Variants in DMD observed in about 807,000 individuals in gnomAD.
The protein encoded by DMD is mutant dystrophin.
DMD carries 63 observed loss-of-function variants against 330.1 expected under a neutral mutation model. The ratio of observed to expected loss-of-function variants is 0.19; its 90% CI spans 0.16 to 0.24. DMD has a LOEUF of 0.24. DMD is among the 10% of genes least tolerant of loss of function. DMD has a pLI of 1.00. For missense variants in DMD, 3,344 were observed against 2,684.1 expected, an observed-to-expected ratio of 1.25 and a Z score of -5.43; for synonymous variants, 1,223 against 959.8, an observed-to-expected ratio of 1.27 and a Z score of -5.07.
At chrX:31,949,033 T>A (rs924878942) in intron 45 of DMD, among the ~76,000 whole-genome samples, 1 of 111,734 alleles carries the variant, frequency 8.9e-6, no homozygotes, top group African/African-American at 3.2e-5. Flanking sequence ...TACATCAAGA[T>A]TTGAAATCAG....
At chrX:31,402,344 G>A (rs1444270208) in intron 60 of DMD, among the ~76,000 whole-genome samples, 3 of 112,073 alleles carry the variant, frequency 2.7e-5, no homozygotes, top group African/African-American at 9.7e-5. Context: ...GGCTTACTTA[G>A]AGAACAGAAA....
chrX:32,817,528 A>C lies in DMD; in HGVS notation c.358-888T>G, dbSNP rs780658772. Among the ~76,000 whole-genome samples, 12 of 112,003 alleles carry C rather than the reference A, an allele frequency of 1.1e-4. No homozygotes were observed. The South Asian group carries it at 4.4e-3, about 41-fold the overall frequency. On this transcript the variant is annotated intron_variant, in intron 5 of 78. Coordinates refer to ENST00000357033, the MANE Select transcript of DMD (RefSeq NM_004006.3). ...AAAAAACTGTCTACATCTTTTATTA[A>C]AGAATTATTATTTATTAAAGACTGC... is the stretch of plus-strand genomic sequence containing the variant.
chrX:31,376,281 G>A lies in DMD; in HGVS notation c.9085-27647C>T, dbSNP rs148626463. Among the ~76,000 whole-genome samples, 889 of 112,141 alleles carry A rather than the reference G, an allele frequency of 7.9e-3. 9 individuals are homozygous for A. The highest frequency in any genetic ancestry group is 0.028 in the African/African-American group (855 of 30,905). On this transcript the variant is annotated intron_variant, in intron 60 of 78. Coordinates refer to ENST00000357033, the MANE Select transcript of DMD (RefSeq NM_004006.3). Reference sequence around the variant, plus strand: ...GATACAAAAGAAATTATACTCTGTCGGTGCCAGGTTGTTGAAAATAAGGGA... The same window carrying A: ...GATACAAAAGAAATTATACTCTGTCAGTGCCAGGTTGTTGAAAATAAGGGA...
intron 1 of DMD, among the ~76,000 whole-genome samples, chrX:33,120,975 A>G (rs957210937): frequency 5.6e-5 from 6 of 107,745 alleles, no homozygotes. Flanking sequence ...CAACCCTATT[A>G]TGTGAAGATT....
intron 2 of DMD, among the ~76,000 whole-genome samples, chrX:33,008,695 T>G (rs1019875901): frequency 2.4e-4 from 26 of 108,010 alleles, no homozygotes; most frequent in African/African-American, 7.4e-4. Context: ...ATTCATCACC[T>G]ATCTGCCCTG....
At chrX:33,220,344 C>T (rs779637473) in intron 1 of DMD, among the ~76,000 whole-genome samples, 169 of 111,431 alleles carry the variant, frequency 1.5e-3, no homozygotes, top group Non-Finnish European at 2.9e-3. Flanking sequence ...TGGATGGATA[C>T]TCAGTACTAG....
intron 44 of DMD, among the ~76,000 whole-genome samples, chrX:32,077,407 ATAACT>A (rs2096361090): frequency 8.9e-6 from 1 of 111,801 alleles, no homozygotes; most frequent in African/African-American, 3.3e-5. Context: ...AAATTTCATA[ATAACT>A]TAATACCTCT....
chrX:32,259,300 T>C (rs1175458071), intron 43 of DMD, among the ~76,000 whole-genome samples: 3 of 111,001 alleles, frequency 2.7e-5, no homozygotes, highest in Non-Finnish European at 5.7e-5. Flanking sequence ...CCCACAAGTG[T>C]GAAATATTTT....
At chrX:32,458,164 T>C (rs753925962) in intron 25 of DMD, among the ~76,000 whole-genome samples, 4 of 111,038 alleles carry the variant, frequency 3.6e-5, no homozygotes, top group African/African-American at 1.3e-4. Context: ...CAGTTTATGA[T>C]GTGGATAGAC....
intron 1 of DMD, among the ~76,000 whole-genome samples, chrX:33,083,914 C>T (rs1170532253): frequency 9.2e-6 from 1 of 108,420 alleles, no homozygotes; most frequent in Non-Finnish European, 1.9e-5. Context: ...GGGCTACAGA[C>T]ACCCCACCAT....
At chrX:31,168,865 T>C (rs998992148) in intron 74 of DMD, among the ~76,000 whole-genome samples, 1 of 112,140 alleles carries the variant, frequency 8.9e-6, no homozygotes, top group Non-Finnish European at 1.9e-5. Context: ...ATGAGAGTTC[T>C]TTAGCCTTTT....
At chrX:32,389,984 A>G (rs1294649382) in intron 31 of DMD, 87 bp downstream of exon 31, 2 of 754,656 alleles carry the variant, frequency 2.7e-6, no homozygotes, top group Non-Finnish European at 4.1e-6. Flanking sequence ...CTCAAATCCA[A>G]TCTTGCCAAT....
intron 44 of DMD, among the ~76,000 whole-genome samples, chrX:31,972,479 G>A (rs897297734): frequency 9.9e-5 from 11 of 111,514 alleles, no homozygotes; most frequent in African/African-American, 3.6e-4. Flanking sequence ...TGTGACAAAT[G>A]AAGAAAAGGA....
chrX:32,664,938 TA>T (rs1208898243), intron 9 of DMD, among the ~76,000 whole-genome samples: 1 of 111,222 alleles, frequency 9.0e-6, no homozygotes, highest in Non-Finnish European at 1.9e-5. Context: ...ACCAGCAAAT[TA>T]AAATCAAAGC....
At chrX:32,406,691 C>G (rs757900669) in intron 30 of DMD, among the ~76,000 whole-genome samples, 2 of 111,027 alleles carry the variant, frequency 1.8e-5, no homozygotes, top group African/African-American at 6.6e-5. Flanking sequence ...CGATGTTCAT[C>G]AGGGATATTG....
chrX:31,338,086 T>C (rs375441954), intron 61 of DMD, among the ~76,000 whole-genome samples: 2 of 110,079 alleles, frequency 1.8e-5, no homozygotes, highest in Admixed American at 9.7e-5. Context: ...TCACCAGAAA[T>C]CCTCCCTTGG....
At chrX:33,180,843 CTTTT>C (rs3990972) in intron 1 of DMD, among the ~76,000 whole-genome samples, 19 of 84,757 alleles carry the variant, frequency 2.2e-4, no homozygotes, top group Non-Finnish European at 1.6e-4. Flanking sequence ...TGTCTAAGAG[CTTTT>C]TTTTTTTTTT....
intron 1 of DMD, among the ~76,000 whole-genome samples, chrX:33,151,606 C>A (rs369629954): frequency 8.9e-6 from 1 of 111,944 alleles, no homozygotes; most frequent in Non-Finnish European, 1.9e-5. Flanking sequence ...GTATGTGAAG[C>A]CTGTCTGGGG....
intron 4 of DMD, among the ~76,000 whole-genome samples, chrX:32,827,524 A>G (rs2078810992): frequency 9.0e-6 from 1 of 111,273 alleles, no homozygotes; most frequent in Non-Finnish European, 1.9e-5. Context: ...ACATTATTTC[A>G]TCGCCCAGGT....
Sources: allele counts gnomAD v4.1 joint callset (sites outside exome capture counted in the v4.1 genomes callset), GRCh38; gene constraint gnomAD v4.1.1; transcripts MANE v1.5; gene names NCBI Gene and HGNC (gene_info 2026-07-23, HGNC 2026-07-21).